Variants in EPB41L2 observed in about 807,000 individuals in gnomAD.
EPB41L2 encodes erythrocyte membrane protein band 4.1 like 2.
In EPB41L2, 43 loss-of-function variants were observed where a neutral mutation model predicts 113.0. The observed-to-expected ratio is 0.38, with a 90% confidence interval of 0.30 to 0.49. The LOEUF (loss-of-function observed/expected upper bound fraction) is 0.49. Among genes scored for constraint, EPB41L2 ranks in the 20% least tolerant of loss-of-function variants. The pLI is 0.95. For synonymous variants in EPB41L2, 442 were observed against 436.7 expected (o/e 1.01, Z -0.15); for missense variants, 1,147 against 1,223.4 (o/e 0.94, Z 0.93).
At chr6:131,015,322 T>C (rs1434913882) in intron 1 of EPB41L2, 2 of 152,182 alleles carry the variant, frequency 1.3e-5, no homozygotes, top group African/African-American at 4.8e-5. Flanking sequence ...TTCACCACTA[T>C]CATAAAATAG....
chr6:130,979,665 G>C (rs1485012286), intron 1 of EPB41L2, among the ~76,000 whole-genome samples: 1 of 152,116 alleles, frequency 6.6e-6, no homozygotes, highest in Non-Finnish European at 1.5e-5. Context: ...GAAAAATAAA[G>C]CTCCCAAGTT....
At chr6:130,979,208 G>A (rs929170299) in intron 1 of EPB41L2, among the ~76,000 whole-genome samples, 1 of 152,070 alleles carries the variant, frequency 6.6e-6, no homozygotes, top group Non-Finnish European at 1.5e-5. Context: ...CTGACTGGCC[G>A]GGTGTGGTGT....
chr6:130,954,941 T>C (rs934639056), intron 3 of EPB41L2, among the ~76,000 whole-genome samples, 164 bp downstream of exon 3: 4 of 152,218 alleles, frequency 2.6e-5, no homozygotes, highest in Non-Finnish European at 5.9e-5. Flanking sequence ...CCCAAGGTCA[T>C]GAAATATTTG....
intron 1 of EPB41L2, among the ~76,000 whole-genome samples, chr6:130,985,415 C>T (rs1780317931): frequency 6.6e-6 from 1 of 152,116 alleles, no homozygotes. Context: ...GTCAGTGCAC[C>T]TCATTCTTCT....
At chr6:130,871,591 A>G (rs1785698092) in intron 14 of EPB41L2, among the ~76,000 whole-genome samples, 1 of 152,206 alleles carries the variant, frequency 6.6e-6, no homozygotes, top group Non-Finnish European at 1.5e-5. Context: ...ACGTCTACTC[A>G]CAAACTCTCT....
intron 4 of EPB41L2, among the ~76,000 whole-genome samples, chr6:130,916,962 C>T (rs1275266302): frequency 6.6e-6 from 1 of 152,260 alleles, no homozygotes; most frequent in East Asian, 1.9e-4. Flanking sequence ...ACTGAGTAAA[C>T]CTTCTAATTT....
intron 19 of EPB41L2, among the ~76,000 whole-genome samples, chr6:130,854,785 C>T (rs1779726808): frequency 1.3e-5 from 2 of 152,178 alleles, no homozygotes; most frequent in Non-Finnish European, 1.5e-5. Flanking sequence ...CACTGACTTG[C>T]CTAATGTCAA....
chr6:131,057,663 C>G (rs1797852533), intron 1 of EPB41L2, among the ~76,000 whole-genome samples: 1 of 152,120 alleles, frequency 6.6e-6, no homozygotes, highest in African/African-American at 2.4e-5. Context: ...AACTATATGA[C>G]AAGCTTTTTA....
At chr6:130,891,041 T>C (rs989360888) in intron 10 of EPB41L2, among the ~76,000 whole-genome samples, 1 of 152,248 alleles carries the variant, frequency 6.6e-6, no homozygotes, top group Non-Finnish European at 1.5e-5. Flanking sequence ...CAAATATTTC[T>C]AGGCTTATAC....
intron 10 of EPB41L2, among the ~76,000 whole-genome samples, chr6:130,892,688 CAT>C (rs1793375659): frequency 6.6e-6 from 1 of 152,054 alleles, no homozygotes; most frequent in Non-Finnish European, 1.5e-5. Flanking sequence ...AAGAAAGAAT[CAT>C]GTGTGCCAGC....
At chr6:130,858,885 A>C (rs193063583) in intron 18 of EPB41L2, among the ~76,000 whole-genome samples, 1 of 152,370 alleles carries the variant, frequency 6.6e-6, no homozygotes, top group Admixed American at 6.5e-5. Context: ...AGACTGACTA[A>C]TCTTCAGGTT....
chr6:131,042,383 T>C (rs143158013), intron 1 of EPB41L2, among the ~76,000 whole-genome samples: 1 of 152,238 alleles, frequency 6.6e-6, no homozygotes, highest in African/African-American at 2.4e-5. Context: ...AATGAAATAA[T>C]AAAGAAGATT....
chr6:131,059,363 C>G (rs1798239502), intron 1 of EPB41L2, among the ~76,000 whole-genome samples: 1 of 152,220 alleles, frequency 6.6e-6, no homozygotes, highest in African/African-American at 2.4e-5. Flanking sequence ...ATCCACCCGC[C>G]TCAGCCTCCC....
intron 1 of EPB41L2, among the ~76,000 whole-genome samples, chr6:130,973,336 C>G (rs1414645236): frequency 6.6e-6 from 1 of 151,602 alleles, no homozygotes; most frequent in African/African-American, 2.4e-5. Context: ...ATAAAGTTTT[C>G]ATTGGTTCAC....
At chr6:130,919,333 C>A (rs976376631) in intron 4 of EPB41L2, among the ~76,000 whole-genome samples, 1 of 152,116 alleles carries the variant, frequency 6.6e-6, no homozygotes, top group Non-Finnish European at 1.5e-5. Flanking sequence ...GTACCTTTAT[C>A]TTAGTATTTT....
chr6:130,906,105 T>C (rs1203955923), intron 5 of EPB41L2, among the ~76,000 whole-genome samples: 2 of 152,240 alleles, frequency 1.3e-5, no homozygotes, highest in Non-Finnish European at 2.9e-5. Context: ...GCATCGTGTT[T>C]GTGTAAGCAT....
At chr6:130,841,136 T>C (rs1284090220) in intron 19 of EPB41L2, among the ~76,000 whole-genome samples, 9 of 151,408 alleles carry the variant, frequency 5.9e-5, no homozygotes, top group Admixed American at 5.9e-4. Flanking sequence ...AAGTTGAGCA[T>C]TGGTATAGTG....
chr6:130,931,705 C>T (rs941963761), intron 3 of EPB41L2, among the ~76,000 whole-genome samples: 3 of 151,962 alleles, frequency 2.0e-5, no homozygotes, highest in Admixed American at 2.0e-4. Context: ...GGGTGAAGAA[C>T]CAAGGCACAA....
chr6:130,879,690 T>C (rs1275419724), intron 13 of EPB41L2, among the ~76,000 whole-genome samples: 3 of 45,346 alleles, frequency 6.6e-5, no homozygotes, highest in Admixed American at 3.1e-4. Context: ...TTCCCAATCA[T>C]GGATTTTAAC....
Sources: gnomAD v4.1 joint callset for allele counts (sites outside exome capture counted in the v4.1 genomes callset) on GRCh38, gnomAD v4.1.1 for gene constraint, MANE v1.5 for transcripts, NCBI Gene and HGNC (gene_info 2026-07-23, HGNC 2026-07-21) for gene names.